Variants in MBOAT4 observed in about 807,000 individuals in gnomAD.
The protein encoded by MBOAT4 is membrane-bound ghrelin O-acyltransferase MBOAT4.
Under a neutral mutation model 13.2 loss-of-function variants are expected in MBOAT4, and 11 were observed. The observed-to-expected ratio is 0.84, with a 90% CI of 0.53 to 1.38. MBOAT4 has a LOEUF of 1.38. MBOAT4 is among the 40% of genes most tolerant of loss of function. The pLI, the probability that MBOAT4 is intolerant of heterozygous loss-of-function variation, is 0.00. For missense variants in MBOAT4, 481 were observed against 527.2 expected (o/e 0.91, Z 0.86); for synonymous variants, 202 against 210.3 (o/e 0.96, Z 0.34).
At chr8:30,144,222 C>T (rs1585490671) in intron 1 of MBOAT4, among the ~76,000 whole-genome samples, 2 of 152,306 alleles carry the variant, frequency 1.3e-5, no homozygotes, top group South Asian at 2.1e-4. Context: ...GCAACCTCCA[C>T]CTCCTGGGCT....
chr8:30,139,093 G>A (rs1346238640), intron 1 of MBOAT4, among the ~76,000 whole-genome samples: 1 of 151,720 alleles, frequency 6.6e-6, no homozygotes, highest in Admixed American at 6.6e-5. Flanking sequence ...CTACCTGGGA[G>A]GGACTACAGG....
chr8:30,141,918 C>T (rs990173441), intron 1 of MBOAT4, among the ~76,000 whole-genome samples: 8 of 152,202 alleles, frequency 5.3e-5, no homozygotes, highest in Non-Finnish European at 1.0e-4. Context: ...TCTTGTGCTT[C>T]TCTTTGAACC....
intron 2 of MBOAT4, among the ~76,000 whole-genome samples, chr8:30,134,932 T>G (rs527371444): frequency 1.3e-5 from 2 of 152,166 alleles, no homozygotes; most frequent in African/African-American, 4.8e-5. Flanking sequence ...CAGGCTGGAG[T>G]GCAGTGGCAC....
intron 1 of MBOAT4, 67 bp from the exon 2 acceptor site, chr8:30,138,823 G>T: frequency 2.3e-6 from 3 of 1,278,766 alleles, no homozygotes; most frequent in Non-Finnish European, 3.3e-6. Flanking sequence ...TACTGCAGAT[G>T]TCACTCCAGG....
At chr8:30,142,055 G>C (rs1224567287) in intron 1 of MBOAT4, among the ~76,000 whole-genome samples, 1 of 152,140 alleles carries the variant, frequency 6.6e-6, no homozygotes, top group Non-Finnish European at 1.5e-5. Flanking sequence ...CCACCCACAG[G>C]CAACTCCCCT....
rs1375667579 is a variant in MBOAT4 at position 30,144,523 on chromosome 8, T to A, written c.79A>T (p.Asn27Tyr). 6.4e-7 allele frequency: 1 copy of A among 1,551,480 alleles called. No homozygotes were observed. ...GAAFPFALLFNYLCIMDSFST... is the reference protein window; with the variant it reads ...GAAFPFALLFYYLCIMDSFST... ...AATGAATCCATGATGCAGAGATAAT[T>A]GAAGAGAAGTGCAAAGGGAAATGCA... Residue 27 changes from asparagine to tyrosine, a missense_variant, in exon 1 of 3, where the codon AAT becomes TAT. Transcript: ENST00000320542.
chr8:30,132,873 C>A lies in MBOAT4; in HGVS notation c.378G>T (p.Leu126Phe). The change falls in exon 3 of 3, where the codon TTG becomes TTT. Residue 126 changes from leucine (L) to phenylalanine (F), a missense_variant. Coordinates refer to ENST00000320542, the MANE Select transcript of MBOAT4 (RefSeq NM_001100916.2). ...FCITLSSLML[L>F]TQRVTSLSLD... The stretch of plus-strand genomic sequence containing the variant: ...GAGAGAGGGACGTGACCCTCTGGGT[C>A]AAGAGCATGAGAGAAGAAAGAGTGA... The A allele has an allele frequency of 1.3e-6, 2 of 1,542,266 alleles. No individual in the cohort carries two copies. Among genetic ancestry groups the A allele is most frequent in the South Asian group, 2.4e-5 (2 of 82,954 alleles).
In MBOAT4 at chr8:30,135,913, G is replaced by GGA. The variant is rs528437068; in HGVS notation, c.344+2618_344+2619insTC. 6.2e-3 allele frequency among the ~76,000 whole-genome samples: 802 copies of GGA among 128,880 alleles called. 8 individuals carry two copies. The highest frequency in any genetic ancestry group is 0.022 in the African/African-American group (756 of 33,812). 84.6% of individuals were successfully genotyped at this position (128,880 alleles called of 152,430 possible). On this transcript the variant is annotated intron_variant, in intron 2 of 2. Transcript: ENST00000320542. ...TGGGCAACAGAGTGAGACCTTGTCTGAAAAAAAAAAAAAAAAGGAAAGAAA... is the reference window on the plus strand; with the variant it reads ...TGGGCAACAGAGTGAGACCTTGTCTGGAAAAAAAAAAAAAAAAAGGAAAGAAA...
intron 1 of MBOAT4, among the ~76,000 whole-genome samples, chr8:30,139,939 T>C (rs534041947): frequency 7.9e-5 from 12 of 152,332 alleles, no homozygotes; most frequent in African/African-American, 2.4e-4. Flanking sequence ...TCAGCTTGGG[T>C]AACAGTGCAA....
chr8:30,137,566 C>G, intron 2 of MBOAT4: 1 of 1,171,416 alleles, frequency 8.5e-7, no homozygotes, highest in Non-Finnish European at 1.2e-6. Flanking sequence ...TGATTAGTCA[C>G]AAAATCACAT....
chr8:30,144,640 C>T lies in MBOAT4; in HGVS notation c.-39G>A. The T allele has an allele frequency of 7.6e-7, 1 of 1,316,540 alleles. No homozygotes were observed. The highest frequency in any genetic ancestry group is 2.5e-5 in the East Asian group (1 of 39,634). The allele number at this position is 1,316,540 out of a possible 1,614,324, so 81.6% of individuals were successfully genotyped here. A position where few individuals can be genotyped will look rare whatever the true frequency, so the allele number is the denominator to read the frequency against. On this transcript the variant is annotated 5_prime_UTR_variant, in exon 1 of 3. Coordinates refer to ENST00000320542, the MANE Select transcript of MBOAT4 (RefSeq NM_001100916.2). ...AAAAGAGCCTGTCTTTTCCAGTGTC[C>T]TTAACTGATGCCTTCCTCCAAGAGT...
At chr8:30,139,804 A>T (rs1176996481) in intron 1 of MBOAT4, among the ~76,000 whole-genome samples, 3 of 150,552 alleles carry the variant, frequency 2.0e-5, no homozygotes, top group Non-Finnish European at 1.5e-5. Flanking sequence ...CAAAAAAAAA[A>T]TTTGTTTAAT....
At chr8:30,137,087 G>A (rs1803164132) in intron 2 of MBOAT4, among the ~76,000 whole-genome samples, 1 of 152,066 alleles carries the variant, frequency 6.6e-6, no homozygotes, top group South Asian at 2.1e-4. Flanking sequence ...TCAGATAGGT[G>A]ACCGCCTGGA....
Position 30,132,398 on chromosome 8 carries a change from C to G in MBOAT4, c.853G>C (p.Val285Leu). Residue 285 changes from valine (V) to leucine (L), a missense_variant, in exon 3 of 3, where the codon GTC becomes CTC. Transcript: ENST00000320542. ...LGQSPGEEGY[V>L]PDADIWTLER... ...AGGGTCCAGATGTCTGCATCGGGGA[C>G]ATATCCCTCCTCTCCAGGGCTCTGA... The G allele has an allele frequency of 6.4e-7, 1 of 1,551,774 alleles. No individual in the cohort carries two copies. Among genetic ancestry groups the G allele is most frequent in the Non-Finnish European group, 8.7e-7 (1 of 1,147,018 alleles).
chr8:30,134,800 G>T (rs553743248), intron 2 of MBOAT4, among the ~76,000 whole-genome samples: 1 of 152,050 alleles, frequency 6.6e-6, no homozygotes, highest in African/African-American at 2.4e-5. Context: ...TGCCCGCCTC[G>T]GCCTCCCAAA....
intron 1 of MBOAT4, among the ~76,000 whole-genome samples, chr8:30,142,317 A>C (rs1356846082): frequency 6.6e-6 from 1 of 152,216 alleles, no homozygotes; most frequent in Non-Finnish European, 1.5e-5. Context: ...TGAGGGAGTC[A>C]AGACTCAACA....
At chr8:30,144,138 A>ATT (rs1803308803) in intron 1 of MBOAT4, among the ~76,000 whole-genome samples, 1 of 57,064 alleles carries the variant, frequency 1.8e-5, no homozygotes, top group African/African-American at 3.9e-5. Context: ...AGTATTTCTG[A>ATT]ATTTTTTTTT....
At chr8:30,143,347 C>CAAAAAAAAAAAAAAAA in intron 1 of MBOAT4, among the ~76,000 whole-genome samples, 1 of 143,600 alleles carries the variant, frequency 7.0e-6, no homozygotes, top group African/African-American at 2.8e-5. Flanking sequence ...GACTCCGTCT[C>CAAAAAAAAAAAAAAAA]AAAAAAAAAA....
At chr8:30,144,231 C>T (rs980436058) in intron 1 of MBOAT4, among the ~76,000 whole-genome samples, 25 of 152,040 alleles carry the variant, frequency 1.6e-4, no homozygotes, top group South Asian at 2.1e-4. Context: ...ACCTCCTGGG[C>T]TTAAGCAGGT....
Sources: gnomAD v4.1 joint callset for allele counts (sites outside exome capture counted in the v4.1 genomes callset) on GRCh38, gnomAD v4.1.1 for gene constraint, MANE v1.5 for transcripts, NCBI Gene and HGNC (gene_info 2026-07-23, HGNC 2026-07-21) for gene names.